PHYHIPL: variants seen among roughly 807,000 people sequenced by gnomAD.
The protein encoded by PHYHIPL is phytanoyl-CoA hydroxylase-interacting protein-like.
PHYHIPL carries 9 observed loss-of-function variants against 33.4 expected under a neutral mutation model. The ratio of observed to expected loss-of-function variants is 0.27; its 90% CI spans 0.16 to 0.47. PHYHIPL has a LOEUF of 0.47. PHYHIPL is among the 20% of genes least tolerant of loss of function. The probability of loss-of-function intolerance (pLI) is 0.99; values close to 1 mark genes in which losing one functional copy is unlikely to be tolerated. For missense variants in PHYHIPL, 365 were observed against 460.7 expected (o/e 0.79, Z 1.90); for synonymous variants, 153 against 154.1 (o/e 0.99, Z 0.05).
Position 59,176,885 on chromosome 10 carries a change from A to G in PHYHIPL, c.32A>G (p.Asn11Ser), listed in dbSNP as rs576178960. Residue 11 changes from asparagine (N) to serine (S), a missense_variant, in exon 1 of 5, where the codon AAC becomes AGC. Around this residue, in one of 4 missense-constraint regions of PHYHIPL, gnomAD observed 89 missense variants for 78.3 expected, o/e 1.14. Transcript: ENST00000373880. MEVPRLDHALNSPTSPCEEVI... is the reference protein window; with the variant it reads MEVPRLDHALSSPTSPCEEVI... Reference sequence around the variant, plus strand: ...GTGCCGCGCCTGGATCATGCCCTCAACAGCCCCACCAGCCCCTGTGAGGAG... The same window carrying G: ...GTGCCGCGCCTGGATCATGCCCTCAGCAGCCCCACCAGCCCCTGTGAGGAG... 3.7e-6 allele frequency: 6 copies of G among 1,613,420 alleles called. No homozygotes were observed. The South Asian group carries it at 4.4e-5, about 12-fold the overall frequency.
At chr10:59,195,203 T>G (rs578218463) in intron 1 of PHYHIPL, among the ~76,000 whole-genome samples, 1 of 152,348 alleles carries the variant, frequency 6.6e-6, no homozygotes, top group Admixed American at 6.5e-5. Flanking sequence ...TATTCTCACA[T>G]TATCATTAAG....
chr10:59,176,060 C>T (rs144762968), upstream of PHYHIPL, among the ~76,000 whole-genome samples: 1,840 of 152,302 alleles, frequency 0.012, 39 homozygotes, highest in African/African-American at 0.042. Flanking sequence ...TGTCTCTAAA[C>T]CCCTCCACGC....
At chr10:59,200,260 G>A (rs1438168000) in intron 1 of PHYHIPL, among the ~76,000 whole-genome samples, 1 of 152,090 alleles carries the variant, frequency 6.6e-6, no homozygotes, top group Non-Finnish European at 1.5e-5. Flanking sequence ...AGAGTTTTTA[G>A]CATGAAGCGC....
At chr10:59,204,821 G>C (rs935282181) in intron 1 of PHYHIPL, among the ~76,000 whole-genome samples, 2 of 150,848 alleles carry the variant, frequency 1.3e-5, no homozygotes, top group Admixed American at 6.6e-5. Flanking sequence ...ATTAGGACCA[G>C]GTGCTCATTT....
At position 59,236,998 on chromosome 10, in the gene PHYHIPL, C is replaced by CT. The variant is rs57712085; in HGVS notation, c.478+355dup. Among the ~76,000 whole-genome samples, 220 of 141,652 alleles carry CT rather than the reference C, an allele frequency of 1.6e-3. 1 individual carries two copies. The highest frequency in any genetic ancestry group is 0.013 in the East Asian group (64 of 4,842). 92.9% of individuals were successfully genotyped at this position (141,652 alleles called of 152,430 possible). Reference sequence around the variant, plus strand: ...TTTTGAGAGACAGAGCTTTTTTCTCCTTTTTTTTTTTTTTCCTTTTTCATT... The same window carrying CT: ...TTTTGAGAGACAGAGCTTTTTTCTCCTTTTTTTTTTTTTTTCCTTTTTCATT... On this transcript the variant is annotated intron_variant, in intron 3 of 4. Transcript: ENST00000373880.
At chr10:59,243,201 G>A (rs553142156) in intron 4 of PHYHIPL, among the ~76,000 whole-genome samples, 4 of 151,732 alleles carry the variant, frequency 2.6e-5, no homozygotes, top group Non-Finnish European at 4.4e-5. Flanking sequence ...CAATTTGAAT[G>A]ACATCATCAT....
At chr10:59,243,338 T>C (rs961816102) in intron 4 of PHYHIPL, among the ~76,000 whole-genome samples, 6 of 152,060 alleles carry the variant, frequency 3.9e-5, no homozygotes, top group African/African-American at 1.4e-4. Flanking sequence ...TATGCTCAGA[T>C]GAAGGAAAAC....
At chr10:59,188,852 A>G (rs1838697654) in intron 1 of PHYHIPL, among the ~76,000 whole-genome samples, 1 of 151,944 alleles carries the variant, frequency 6.6e-6, no homozygotes, top group South Asian at 2.1e-4. Context: ...TTTTGAGCCT[A>G]TGTGTGTCTC....
At chr10:59,244,960 T>C (rs1840600351) in intron 4 of PHYHIPL, 97 bp from the exon 5 acceptor site, 1 of 1,303,770 alleles carries the variant, frequency 7.7e-7, no homozygotes, top group African/African-American at 1.5e-5. Flanking sequence ...ATTCAGGCCT[T>C]TAACAGTAGA....
intron 1 of PHYHIPL, among the ~76,000 whole-genome samples, chr10:59,184,843 T>C (rs2452521): frequency 0.97 from 143,395 of 148,090 alleles, 69,465 homozygotes; most frequent in East Asian, 1. Flanking sequence ...TGTTCCCCTT[T>C]CTGTGTCCAT....
chr10:59,228,151 A>G (rs1217161360), intron 1 of PHYHIPL, among the ~76,000 whole-genome samples: 1 of 152,108 alleles, frequency 6.6e-6, no homozygotes, highest in Non-Finnish European at 1.5e-5. Flanking sequence ...TGTACTTAGA[A>G]TAGTGTTGAT....
chr10:59,244,976 G>GAA (rs1840601124), intron 4 of PHYHIPL, 81 bp from the exon 5 acceptor site: 1 of 1,441,244 alleles, frequency 6.9e-7, no homozygotes, highest in Non-Finnish European at 9.3e-7. Flanking sequence ...GTAGATGTTT[G>GAA]ACTTTTAGGC....
At chr10:59,215,776 G>A (rs1326229300) in intron 1 of PHYHIPL, among the ~76,000 whole-genome samples, 1 of 151,716 alleles carries the variant, frequency 6.6e-6, no homozygotes, top group Non-Finnish European at 1.5e-5. Context: ...AAGGGTGGAA[G>A]GAGTAGCTTT....
Position 59,226,918 on chromosome 10 carries a change from A to G in PHYHIPL, c.107-7386A>G, listed in dbSNP as rs564485017. 2.0e-5 allele frequency among the ~76,000 whole-genome samples: 3 copies of G among 152,314 alleles called. No individual in the cohort carries two copies. In the East Asian group the frequency reaches 5.8e-4, roughly 29 times the overall value. On this transcript the variant is annotated intron_variant, in intron 1 of 4. Transcript: ENST00000373880. ...AGGAATGTAAAAAATAATATCTCAT[A>G]GAAAAGAAGAAGCAATGTAAGTTAA...
chr10:59,226,623 TAC>T (rs1156791944), intron 1 of PHYHIPL, among the ~76,000 whole-genome samples: 1 of 152,162 alleles, frequency 6.6e-6, no homozygotes, highest in Non-Finnish European at 1.5e-5. Flanking sequence ...AGGGAAGAGG[TAC>T]CTGGGCTAGG....
At chr10:59,196,892 T>C (rs1838937338) in intron 1 of PHYHIPL, among the ~76,000 whole-genome samples, 3 of 152,384 alleles carry the variant, frequency 2.0e-5, no homozygotes, top group South Asian at 2.1e-4. Context: ...ATATACTCTT[T>C]ATTGTCAAAA....
At chr10:59,183,866 G>T (rs1838484216) in intron 1 of PHYHIPL, among the ~76,000 whole-genome samples, 1 of 152,176 alleles carries the variant, frequency 6.6e-6, no homozygotes, top group Admixed American at 6.5e-5. Context: ...TAGCCTGTGG[G>T]AATGTTGCTC....
chr10:59,177,490 GTGAGGGCGCAGAAAAACAGTGCAT>G, intron 1 of PHYHIPL: 1 of 1,549,260 alleles, frequency 6.5e-7, no homozygotes, highest in Non-Finnish European at 8.7e-7. Flanking sequence ...CAGTTTTTCA[GTGAGGGCGCAGAAAAACAGTGCAT>G]TTCAGCACCA....
At chr10:59,181,437 C>T (rs1354023309) in intron 1 of PHYHIPL, among the ~76,000 whole-genome samples, 1 of 151,904 alleles carries the variant, frequency 6.6e-6, no homozygotes, top group Non-Finnish European at 1.5e-5. Flanking sequence ...TCTCTTTTAC[C>T]ATCCTATCAG....
Sources: allele counts gnomAD v4.1 joint callset (sites outside exome capture counted in the v4.1 genomes callset), GRCh38; gene constraint gnomAD v4.1.1; regional missense constraint gnomAD v4.1.1; transcripts MANE v1.5; gene names NCBI Gene and HGNC (gene_info 2026-07-23, HGNC 2026-07-21).